LRRN3: variants seen among roughly 807,000 people sequenced by gnomAD.
LRRN3 encodes leucine-rich repeat neuronal protein 3.
LRRN3 carries 15 observed loss-of-function variants against 40.1 expected under a neutral mutation model. The observed-to-expected ratio is 0.37, with a 90% confidence interval of 0.25 to 0.58. LRRN3 has a LOEUF of 0.58. Among genes scored for constraint, LRRN3 ranks in the 20% least tolerant of loss-of-function variants. The pLI, the probability that LRRN3 is intolerant of heterozygous loss-of-function variation, is 0.72. For synonymous variants in LRRN3, 308 were observed against 297.2 expected, an observed-to-expected ratio of 1.04 and a Z score of -0.37; for missense variants, 746 against 837.7, an observed-to-expected ratio of 0.89 and a Z score of 1.35.
chr7:111,124,691 T>C lies in LRRN3; in HGVS notation c.1919T>C (p.Ile640Thr). ...MACLGGLLGIIGVICLISCLS... is the reference protein window; with the variant it reads ...MACLGGLLGITGVICLISCLS... ...TGTCTTGGAGGCCTTCTGGGGATTA[T>C]TGGTGTGATATGTCTTATCAGCTGC... Residue 640 changes from isoleucine to threonine, a missense_variant, in exon 3 of 3, where the codon ATT (isoleucine) becomes ACT (threonine). Transcript: ENST00000308478. 1.2e-6 allele frequency: 2 copies of C among 1,613,942 alleles called. No homozygotes were observed. The highest frequency in any genetic ancestry group is 1.1e-5 in the South Asian group (1 of 91,084).
intron 2 of LRRN3, among the ~76,000 whole-genome samples, chr7:111,116,360 G>T (rs947503540): frequency 2.0e-5 from 3 of 152,044 alleles, no homozygotes; most frequent in Non-Finnish European, 2.9e-5. Context: ...GAGGATTTTT[G>T]CCAGTTTGAA....
chr7:111,118,574 T>G (rs1800174963), intron 2 of LRRN3, among the ~76,000 whole-genome samples: 1 of 151,946 alleles, frequency 6.6e-6, no homozygotes, highest in African/African-American at 2.4e-5. Context: ...AAAGTGGAGA[T>G]TAATGTACCT....
intron 1 of LRRN3, among the ~76,000 whole-genome samples, chr7:111,095,734 C>T (rs1178285829): frequency 6.6e-6 from 1 of 151,990 alleles, no homozygotes; most frequent in Non-Finnish European, 1.5e-5. Flanking sequence ...AAGAGGCTTT[C>T]CACATCTGTT....
At chr7:111,107,564 A>T (rs1798687646) in intron 2 of LRRN3, among the ~76,000 whole-genome samples, 1 of 152,140 alleles carries the variant, frequency 6.6e-6, no homozygotes, top group African/African-American at 2.4e-5. Flanking sequence ...GATTCTGTGC[A>T]TGTATAACAA....
chr7:111,107,970 A>G (rs1024748090), intron 2 of LRRN3, among the ~76,000 whole-genome samples: 1 of 152,168 alleles, frequency 6.6e-6, no homozygotes, highest in African/African-American at 2.4e-5. Flanking sequence ...CTCAACTTAC[A>G]GCAGATATTG....
rs1796821803 is a variant in LRRN3 at position 111,091,177 on chromosome 7, A to G, written c.-768A>G. 3 of 152,292 alleles carry G rather than the reference A, an allele frequency of 2.0e-5. No individual in the cohort carries two copies. The highest frequency in any genetic ancestry group is 4.4e-5 in the Non-Finnish European group (3 of 68,048). 9.4% of individuals were successfully genotyped at this position (152,292 alleles called of 1,614,324 possible). ...ACGATGCACCACTAACCACCATGGA[A>G]ACAAGGAAAAATAAAGCCAGCTCAC... On this transcript the variant is annotated 5_prime_UTR_variant, in exon 1 of 3. Coordinates refer to ENST00000308478, the MANE Select transcript of LRRN3 (RefSeq NM_001099658.2).
chr7:111,114,294 A>C (rs1799585421), intron 2 of LRRN3, among the ~76,000 whole-genome samples: 1 of 152,170 alleles, frequency 6.6e-6, no homozygotes, highest in African/African-American at 2.4e-5. Context: ...ACTACTTCTG[A>C]TGTAAATGAA....
chr7:111,099,280 T>C (rs1355853467), intron 1 of LRRN3, among the ~76,000 whole-genome samples: 1 of 151,684 alleles, frequency 6.6e-6, no homozygotes, highest in Non-Finnish European at 1.5e-5. Context: ...TTTAGACACT[T>C]TTTTCCCCTC....
intron 2 of LRRN3, among the ~76,000 whole-genome samples, chr7:111,121,779 G>A (rs952594400): frequency 3.7e-4 from 56 of 152,108 alleles, no homozygotes; most frequent in African/African-American, 1.3e-3. Context: ...ACATGCACAC[G>A]TATGTTTATT....
At chr7:111,115,119 A>G (rs1307923394) in intron 2 of LRRN3, among the ~76,000 whole-genome samples, 2 of 152,170 alleles carry the variant, frequency 1.3e-5, no homozygotes, top group Admixed American at 1.3e-4. Flanking sequence ...GGGACCATAT[A>G]AATGCTAAAT....
Position 111,112,581 on chromosome 7 carries a change from G to A in LRRN3, c.-358-9834G>A, listed in dbSNP as rs1460206668. Among the ~76,000 whole-genome samples, 9 of 152,280 alleles carry A rather than the reference G, an allele frequency of 5.9e-5. 1 individual carries two copies. The highest frequency in any genetic ancestry group is 2.2e-4 in the African/African-American group (9 of 41,550). ...GTTTTTTCAAAGCTTACAGTGGAAT[G>A]TATGTTGTTCTATTTTTAAAACTTT... On this transcript the variant is annotated intron_variant, in intron 2 of 2. Coordinates refer to ENST00000308478, the MANE Select transcript of LRRN3 (RefSeq NM_001099658.2).
intron 1 of LRRN3, among the ~76,000 whole-genome samples, chr7:111,091,872 CAG>C (rs1037923829): frequency 6.6e-6 from 1 of 151,722 alleles, no homozygotes; most frequent in East Asian, 1.9e-4. Context: ...AGAGAGAAGA[CAG>C]AGAGGAGACA....
intron 2 of LRRN3, among the ~76,000 whole-genome samples, 193 bp from the exon 3 acceptor site, chr7:111,122,222 T>TAA (rs199642974): frequency 6.7e-6 from 1 of 149,940 alleles, no homozygotes; most frequent in African/African-American, 2.5e-5. Context: ...TAAAGTATAA[T>TAA]AAAAAAAAAG....
intron 2 of LRRN3, among the ~76,000 whole-genome samples, chr7:111,101,116 C>T (rs1480532122): frequency 6.6e-6 from 1 of 151,468 alleles, no homozygotes; most frequent in African/African-American, 2.4e-5. Flanking sequence ...ATGGTGCTTT[C>T]TTTTCACATC....
At chr7:111,121,256 GCTGT>G (rs1396563742) in intron 2 of LRRN3, among the ~76,000 whole-genome samples, 5 of 152,126 alleles carry the variant, frequency 3.3e-5, no homozygotes, top group Non-Finnish European at 7.4e-5. Flanking sequence ...CTGGATATTA[GCTGT>G]CTGTCAGATG....
Position 111,122,967 on chromosome 7 carries a change from C to A in LRRN3, c.195C>A (p.Ala65=). 1 of 1,614,040 alleles carries A rather than the reference C, an allele frequency of 6.2e-7. No individual in the cohort carries two copies. Among genetic ancestry groups the A allele is most frequent in the South Asian group, 1.1e-5 (1 of 91,082 alleles). The change falls in exon 3 of 3, where the codon GCC becomes GCA. Residue 65 remains alanine, a synonymous_variant. Transcript: ENST00000308478. The part of the protein sequence containing the change: ...CNDLGLLTFP[A]RLPANTQILL... ...ATTTAGGTCTTTTAACTTTCCCAGC[C>A]AGATTGCCAGCTAACACACAGATTC...
At chr7:111,095,448 C>T (rs1031448236) in intron 1 of LRRN3, among the ~76,000 whole-genome samples, 1 of 151,288 alleles carries the variant, frequency 6.6e-6, no homozygotes, top group African/African-American at 2.4e-5. Context: ...CAGATATGTA[C>T]AAAAAAGAGA....
At chr7:111,101,307 C>T (rs746972586) in intron 2 of LRRN3, among the ~76,000 whole-genome samples, 1 of 151,312 alleles carries the variant, frequency 6.6e-6, no homozygotes, top group Non-Finnish European at 1.5e-5. Flanking sequence ...TGAACAGAAC[C>T]TTGGCATACT....
At chr7:111,118,324 C>T (rs1800142579) in intron 2 of LRRN3, among the ~76,000 whole-genome samples, 1 of 152,022 alleles carries the variant, frequency 6.6e-6, no homozygotes, top group Admixed American at 6.6e-5. Context: ...ATAAAGATCT[C>T]TTTACTAAGG....
Sources: allele counts gnomAD v4.1 joint callset (sites outside exome capture counted in the v4.1 genomes callset), GRCh38; gene constraint gnomAD v4.1.1; transcripts MANE v1.5; gene names NCBI Gene and HGNC (gene_info 2026-07-23, HGNC 2026-07-21).